BET1: variants seen among roughly 807,000 people sequenced by gnomAD.
The protein encoded by BET1 is Bet1 golgi vesicular membrane trafficking protein.
In BET1, 9 loss-of-function variants were observed where a neutral mutation model predicts 13.9. The ratio of observed to expected loss-of-function variants is 0.65; its 90% CI spans 0.39 to 1.13. BET1 has a LOEUF of 1.13. Among genes scored for constraint, BET1 ranks in the 50% most tolerant of loss-of-function variants. The probability of loss-of-function intolerance (pLI) is 0.01; values close to 1 mark genes in which losing one functional copy is unlikely to be tolerated. For missense variants in BET1, 127 were observed against 133.6 expected (o/e 0.95, Z 0.24); for synonymous variants, 39 against 47.3 (o/e 0.82, Z 0.72).
downstream of BET1, among the ~76,000 whole-genome samples, chr7:93,988,781 C>T (rs982501306): frequency 1.3e-5 from 2 of 151,700 alleles, no homozygotes; most frequent in South Asian, 2.1e-4. Flanking sequence ...TATATTAATA[C>T]AAAAAGGACT....
chr7:93,993,649 T>G lies in BET1; in HGVS notation c.*581A>C. ...ATATGCCAAAATAACAAGTTTTATT[T>G]AAAGAATGAGGTCTTTGGGCAGAAA... On this transcript the variant is annotated 3_prime_UTR_variant, in exon 4 of 4. Transcript: ENST00000222547. The G allele has an allele frequency of 7.7e-7, 1 of 1,293,790 alleles. No individual in the cohort carries two copies. Among genetic ancestry groups the G allele is most frequent in the Non-Finnish European group, 9.8e-7 (1 of 1,025,010 alleles). 80.1% of individuals were successfully genotyped at this position (1,293,790 alleles called of 1,614,324 possible). A position where few individuals can be genotyped will look rare whatever the true frequency, so the allele number is the denominator to read the frequency against.
chr7:93,983,840 AT>A (rs1795474195), intron 4 of BET1, among the ~76,000 whole-genome samples: 1 of 152,190 alleles, frequency 6.6e-6, no homozygotes, highest in Admixed American at 6.5e-5. Flanking sequence ...TGCATTGGCA[AT>A]AGCTGGCACT....
downstream of BET1, chr7:93,991,923 A>G: frequency 1.0e-6 from 1 of 979,870 alleles, no homozygotes; most frequent in Non-Finnish European, 1.2e-6. Flanking sequence ...GAAATTTAGG[A>G]GCATTAAAAA....
downstream of BET1, chr7:93,992,151 C>T (rs961778772): frequency 1.0e-6 from 1 of 984,686 alleles, no homozygotes; most frequent in Admixed American, 6.2e-5. Context: ...TGTGAAGGAG[C>T]AAGACAAAAT....
chr7:93,969,571 A>G (rs983685863), intron 6 of BET1: 5 of 151,844 alleles, frequency 3.3e-5, no homozygotes, highest in South Asian at 2.1e-4. Context: ...CCTAGGAGAG[A>G]AAGATTCATT....
At chr7:93,998,006 T>C (rs1795809290) in intron 2 of BET1, among the ~76,000 whole-genome samples, 2 of 151,924 alleles carry the variant, frequency 1.3e-5, no homozygotes, top group South Asian at 4.2e-4. Context: ...TGCAATGAAG[T>C]GGGGCGGATG....
intron 1 of BET1, chr7:93,999,536 CTTA>C (rs879757934): frequency 3.5e-5 from 17 of 484,444 alleles, no homozygotes; most frequent in Non-Finnish European, 5.6e-5. Context: ...TTCTGGATTG[CTTA>C]TTGATTGTCC....
At chr7:93,972,362 A>G (rs1795270626) in intron 6 of BET1, 1 of 151,842 alleles carries the variant, frequency 6.6e-6, no homozygotes, top group African/African-American at 2.4e-5. Context: ...TTTACAGAAA[A>G]CCTATTATGT....
intron 4 of BET1, among the ~76,000 whole-genome samples, chr7:93,976,535 A>T (rs1795340088): frequency 6.6e-6 from 1 of 152,166 alleles, no homozygotes; most frequent in African/African-American, 2.4e-5. Flanking sequence ...ATCTCTGAAC[A>T]ATAGTTCTCA....
intron 4 of BET1, among the ~76,000 whole-genome samples, chr7:93,979,253 C>T (rs538066691): frequency 6.6e-6 from 1 of 152,240 alleles, no homozygotes; most frequent in Admixed American, 6.5e-5. Context: ...TGTCTGGATG[C>T]TGGGTACATA....
chr7:93,992,705 G>A (rs975988756), downstream of BET1: 75 of 978,324 alleles, frequency 7.7e-5, no homozygotes, highest in African/African-American at 1.2e-3. Context: ...TAATGGTAGT[G>A]AGAACCAACA....
At chr7:93,985,979 A>G (rs1031319525) in intron 4 of BET1, among the ~76,000 whole-genome samples, 1 of 152,158 alleles carries the variant, frequency 6.6e-6, no homozygotes, top group Non-Finnish European at 1.5e-5. Flanking sequence ...CTGAGATTTA[A>G]ATGTTTTTAT....
intron 4 of BET1, among the ~76,000 whole-genome samples, chr7:93,981,773 A>G (rs564305411): frequency 6.6e-6 from 1 of 152,308 alleles, no homozygotes; most frequent in Admixed American, 6.5e-5. Flanking sequence ...TGGAGAAGTA[A>G]CACCTTCTCT....
rs543342019 is a variant in BET1 at position 93,993,645 on chromosome 7, T to C, written c.*585A>G. Reference sequence around the variant, plus strand: ...AGAAATATGCCAAAATAACAAGTTTTATTTAAAGAATGAGGTCTTTGGGCA... The same window carrying C: ...AGAAATATGCCAAAATAACAAGTTTCATTTAAAGAATGAGGTCTTTGGGCA... On this transcript the variant is annotated 3_prime_UTR_variant, in exon 4 of 4. Transcript: ENST00000222547. 7.0e-6 allele frequency: 9 copies of C among 1,290,436 alleles called. No homozygotes were observed. The South Asian group carries it at 2.4e-4, about 34-fold the overall frequency. The allele number at this position is 1,290,436 out of a possible 1,614,324, so 79.9% of individuals were successfully genotyped here.
At chr7:93,978,968 A>T (rs1795383422) in intron 4 of BET1, among the ~76,000 whole-genome samples, 1 of 152,206 alleles carries the variant, frequency 6.6e-6, no homozygotes, top group Admixed American at 6.5e-5. Context: ...TCTCGTGTCT[A>T]CCAGACTGTT....
chr7:93,964,483 T>C (rs1429958067), exon 7 of BET1: 1 of 152,116 alleles, frequency 6.6e-6, no homozygotes, highest in African/African-American at 2.4e-5. Context: ...CCATGGCATA[T>C]ATGTACCACA....
downstream of BET1, chr7:93,993,189 T>G (rs1795675950): frequency 6.1e-6 from 6 of 984,930 alleles, no homozygotes; most frequent in African/African-American, 7.0e-5. Context: ...GAATCTGAGT[T>G]GTCAGGACCA....
intron 4 of BET1, among the ~76,000 whole-genome samples, chr7:93,977,546 A>G (rs187890633): frequency 6.6e-6 from 1 of 152,282 alleles, no homozygotes; most frequent in East Asian, 1.9e-4. Flanking sequence ...TTTAAGGATT[A>G]GAATAAAAAC....
chr7:93,977,648 C>T (rs559220458), intron 4 of BET1, among the ~76,000 whole-genome samples: 24 of 152,186 alleles, frequency 1.6e-4, no homozygotes, highest in Non-Finnish European at 2.9e-4. Flanking sequence ...TTCTTGGCCA[C>T]GGGACCAACC....
Sources: allele counts gnomAD v4.1 joint callset (sites outside exome capture counted in the v4.1 genomes callset), GRCh38; gene constraint gnomAD v4.1.1; transcripts MANE v1.5; gene names NCBI Gene and HGNC (gene_info 2026-07-23, HGNC 2026-07-21).